Variants in CCDC136 observed in about 807,000 individuals in gnomAD.
CCDC136 encodes the protein coiled-coil domain-containing protein 136.
A neutral mutation model predicts 141.2 loss-of-function variants in CCDC136; 100 were observed. The ratio of observed to expected loss-of-function variants is 0.71; its 90% CI spans 0.60 to 0.84. The LOEUF (loss-of-function observed/expected upper bound fraction) is 0.84. CCDC136 is among the 40% of genes least tolerant of loss of function. The probability of loss-of-function intolerance (pLI) is 0.00; values close to 1 mark genes in which losing one functional copy is unlikely to be tolerated. For missense variants in CCDC136, 1,206 were observed against 1,379.4 expected, an observed-to-expected ratio of 0.87 and a Z score of 1.99; for synonymous variants, 474 against 531.9, an observed-to-expected ratio of 0.89 and a Z score of 1.50.
intron 1 of CCDC136, among the ~76,000 whole-genome samples, chr7:128,793,745 G>A (rs1354073027): frequency 6.6e-6 from 1 of 152,188 alleles, no homozygotes; most frequent in African/African-American, 2.4e-5. Flanking sequence ...AAGTAGCTGG[G>A]ATTACAGGCG....
Position 128,811,980 on chromosome 7 carries a change from A to G in CCDC136, c.2209A>G (p.Ile737Val). 1 of 1,614,032 alleles carries G rather than the reference A, an allele frequency of 6.2e-7. No individual in the cohort carries two copies. Among genetic ancestry groups the G allele is most frequent in the Non-Finnish European group, 8.5e-7 (1 of 1,179,890 alleles). ...MQLLQVQSPS[I>V]KMSLESYGKS... ...GCTGCTTCAAGTCCAGTCCCCTTCTATAAAAATGAGCCTTGAGTCCTACGG... is the reference window on the plus strand; with the variant it reads ...GCTGCTTCAAGTCCAGTCCCCTTCTGTAAAAATGAGCCTTGAGTCCTACGG... Residue 737 changes from isoleucine (I) to valine (V), a missense_variant, in exon 13 of 18, where the codon ATA (isoleucine) becomes GTA (valine). Ile to Val is a conservative substitution (Grantham distance 29). Coordinates refer to ENST00000297788, the MANE Select transcript of CCDC136 (RefSeq NM_022742.5).
In CCDC136 at chr7:128,792,133, G is replaced by T; in HGVS notation, c.-279G>T. On this transcript the variant is annotated 5_prime_UTR_variant, in exon 1 of 18. Coordinates refer to ENST00000297788, the MANE Select transcript of CCDC136 (RefSeq NM_022742.5). ...GGAACAGCGGGTTCTGAGGAGGCTG[G>T]GAGGCAGGGCTGAGAGGTGGCCGAG... 7.1e-7 allele frequency: 1 copy of T among 1,416,442 alleles called. No homozygotes were observed. 87.7% of individuals were successfully genotyped at this position (1,416,442 alleles called of 1,614,324 possible).
intron 10 of CCDC136, chr7:128,808,323 C>T (rs577332164): frequency 3.0e-5 from 10 of 335,438 alleles, no homozygotes; most frequent in East Asian, 1.7e-4. Context: ...AGGCATGAGC[C>T]GCCATGCCCT....
chr7:128,814,901 C>A lies in CCDC136; in HGVS notation c.3027C>A (p.Ser1009Arg). ...VTKPCSDTSESDLETRKSLEV... is the reference protein window; with the variant it reads ...VTKPCSDTSERDLETRKSLEV... ...AGCCATGCTCGGATACTTCTGAGAG[C>A]GACCTTGAGACCAGAAAGGTGAGTA... Residue 1009 changes from serine to arginine, a missense_variant, in exon 15 of 18, where the codon AGC (serine) becomes AGA (arginine). Transcript: ENST00000297788. The A allele has an allele frequency of 6.3e-7, 1 of 1,594,986 alleles. No homozygotes were observed. The highest frequency in any genetic ancestry group is 8.6e-7 in the Non-Finnish European group (1 of 1,169,436).
In CCDC136 at chr7:128,812,911, C is replaced by A; in HGVS notation, c.2745C>A (p.Pro915=). ...AATGCCTTGAAAAGCCCATGGCCCC[C>A]CAGAACGACAAGAATGAGGTAACCA... ...CMECLEKPMA[P]QNDKNEIKEL... Residue 915 remains proline (P), a synonymous_variant, in exon 14 of 18, where the codon CCC becomes CCA. Coordinates refer to ENST00000297788, the MANE Select transcript of CCDC136 (RefSeq NM_022742.5). 1 of 1,608,318 alleles carries A rather than the reference C, an allele frequency of 6.2e-7. No homozygotes were observed. The highest frequency in any genetic ancestry group is 8.5e-7 in the Non-Finnish European group (1 of 1,177,420).
chr7:128,802,199 C>A (rs1804132807), intron 4 of CCDC136, among the ~76,000 whole-genome samples: 1 of 152,128 alleles, frequency 6.6e-6, no homozygotes, highest in Non-Finnish European at 1.5e-5. Context: ...ACCCAAAAGC[C>A]TAGAGCCCTG....
chr7:128,816,048 C>T, intron 16 of CCDC136, 117 bp downstream of exon 16: 1 of 975,912 alleles, frequency 1.0e-6, no homozygotes, highest in Non-Finnish European at 1.5e-6. Flanking sequence ...GCCTCGCGCT[C>T]TAAGGCACAA....
intron 10 of CCDC136, among the ~76,000 whole-genome samples, chr7:128,807,992 A>G (rs1805131099): frequency 6.6e-6 from 1 of 152,356 alleles, no homozygotes; most frequent in South Asian, 2.1e-4. Flanking sequence ...GGGCAAGAGA[A>G]GGACCTAGGC....
intron 3 of CCDC136, among the ~76,000 whole-genome samples, chr7:128,800,645 C>T (rs972994065): frequency 2.0e-5 from 3 of 152,082 alleles, no homozygotes; most frequent in Admixed American, 6.5e-5. Flanking sequence ...ATTATTATCC[C>T]GTGTTTGGTT....
chr7:128,810,081 T>TCAGACTTCCTGTGTGACCACCAC, intron 11 of CCDC136, 58 bp from the exon 12 acceptor site: 1 of 1,060,372 alleles, frequency 9.4e-7, no homozygotes, highest in Non-Finnish European at 1.4e-6. Context: ...CAAGGAGGCA[T>TCAGACTTCCTGTGTGACCACCAC]CAGACTTCCT....
intron 16 of CCDC136, among the ~76,000 whole-genome samples, chr7:128,816,937 A>T (rs1047203085): frequency 2.0e-5 from 3 of 152,202 alleles, no homozygotes; most frequent in African/African-American, 4.8e-5. Context: ...ACCTTGTGCC[A>T]GGGGACCATT....
rs368166029 is a variant in CCDC136, at chr7:128,801,265, A to G, written c.426A>G (p.Glu142=). The G allele has an allele frequency of 1.9e-6, 3 of 1,613,968 alleles. No homozygotes were observed. The highest frequency in any genetic ancestry group is 2.5e-6 in the Non-Finnish European group (3 of 1,179,870). The change falls in exon 4 of 18, where the codon GAA becomes GAG. Residue 142 remains glutamate (E), a synonymous_variant. Transcript: ENST00000297788. ...KESELKEIEQ[E]LHLAQAEIQS... ...GCGAACTTAAGGAAATAGAACAGGA[A>G]TTGCATTTGGCCCAGGCTGAGATCC...
intron 3 of CCDC136, among the ~76,000 whole-genome samples, chr7:128,797,020 C>T (rs1197145363): frequency 2.6e-5 from 4 of 151,954 alleles, no homozygotes; most frequent in East Asian, 1.9e-4. Flanking sequence ...GGATTACAGG[C>T]GTGAGCCACC....
rs1802620891 is a variant in CCDC136 at position 128,794,286 on chromosome 7, C to G, written c.17-62C>G. ...CCCTGGCATAGTGAGTTTGAGGGCC[C>G]TGGAAGGACGGCAGAAAGGAAGTTG... On this transcript the variant is annotated intron_variant, in intron 1 of 17. Transcript: ENST00000297788. This position sits in a 1 kb window ranked among gnomAD's most constrained non-coding sequence, Gnocchi z 4.3. The G allele has an allele frequency of 6.4e-7, 1 of 1,550,528 alleles. No homozygotes were observed. Among genetic ancestry groups the G allele is most frequent in the African/African-American group, 1.4e-5 (1 of 72,996 alleles).
chr7:128,814,683 C>T lies in CCDC136; in HGVS notation c.2809C>T (p.Gln937Ter). 6.2e-7 allele frequency: 1 copy of T among 1,602,586 alleles called. No individual in the cohort carries two copies. The highest frequency in any genetic ancestry group is 8.5e-7 in the Non-Finnish European group (1 of 1,173,628). The change falls in exon 15 of 18, where the codon CAG becomes TAG. Residue 937 changes from glutamine (Q) to a stop codon, truncating the protein, a stop_gained. Coordinates refer to ENST00000297788, the MANE Select transcript of CCDC136 (RefSeq NM_022742.5). LOFTEE classifies it high-confidence loss of function. ...TKLRELQLQY[Q>*]ASMDEQGRLL... ...GCTGCGGGAGCTGCAGCTGCAATACCAGGCTAGCATGGATGAGCAGGGGCG... is the reference window on the plus strand; with the variant it reads ...GCTGCGGGAGCTGCAGCTGCAATACTAGGCTAGCATGGATGAGCAGGGGCG...
intron 4 of CCDC136, among the ~76,000 whole-genome samples, chr7:128,803,061 T>G (rs1383512923): frequency 6.6e-6 from 1 of 152,206 alleles, no homozygotes; most frequent in African/African-American, 2.4e-5. Context: ...AGAAGTTACT[T>G]TTAGGGTGTT....
intron 10 of CCDC136, 22 bp from the exon 11 acceptor site, chr7:128,809,428 C>T: frequency 2.2e-6 from 3 of 1,385,136 alleles, no homozygotes; most frequent in Non-Finnish European, 2.0e-6. Flanking sequence ...ACCACCCCCT[C>T]CACACCCGCC....
chr7:128,809,302 A>C (rs2307038), intron 10 of CCDC136, 148 bp from the exon 11 acceptor site: 81,840 of 610,962 alleles, frequency 0.13, 6,038 homozygotes, highest in East Asian at 0.24. Flanking sequence ...AACAGCCAGA[A>C]TGCATTGTGG....
chr7:128,822,071 C>T lies in CCDC136; in HGVS notation c.*278C>T. The T allele has an allele frequency of 8.4e-7, 1 of 1,186,826 alleles. No individual in the cohort carries two copies. The highest frequency in any genetic ancestry group is 1.5e-5 in the South Asian group (1 of 64,664). 73.5% of individuals were successfully genotyped at this position (1,186,826 alleles called of 1,614,324 possible). On this transcript the variant is annotated 3_prime_UTR_variant, in exon 18 of 18. Coordinates refer to ENST00000297788, the MANE Select transcript of CCDC136 (RefSeq NM_022742.5). ...AAGGCTTGTGGGGAGCGGCTGACTT[C>T]CATCTCCTGCCTTGTGTAAGAACCT...
Sources: gnomAD v4.1 joint callset for allele counts (sites outside exome capture counted in the v4.1 genomes callset) on GRCh38, gnomAD v4.1.1 for gene constraint, Gnocchi (gnomAD v3.1) non-coding constraint, MANE v1.5 for transcripts, NCBI Gene and HGNC (gene_info 2026-07-23, HGNC 2026-07-21) for gene names.